The following FBXO4 variants were observed in gnomAD, a reference collection of about 807,000 sequenced individuals.
The protein encoded by FBXO4 is F-box protein 4.
FBXO4 carries 36 observed loss-of-function variants against 43.7 expected under a neutral mutation model. That is an observed-to-expected ratio of 0.82 (90% confidence interval 0.63 to 1.09). FBXO4 has a LOEUF of 1.09. Among genes scored for constraint, FBXO4 ranks in the 50% least tolerant of loss-of-function variants. The pLI, the probability that FBXO4 is intolerant of heterozygous loss-of-function variation, is 0.00. For synonymous variants in FBXO4, 180 were observed against 165.6 expected (o/e 1.09, Z -0.67); for missense variants, 435 against 474.1 (o/e 0.92, Z 0.77).
At chr5:42,005,098 C>G in the FBXO4 span, among the ~76,000 whole-genome samples, 1 of 152,088 alleles carries the variant, frequency 6.6e-6, no homozygotes, top group Non-Finnish European at 1.5e-5. Flanking sequence ...CATTCATGTT[C>G]CATGTTATTT....
chr5:41,963,299 C>CT, the FBXO4 span, among the ~76,000 whole-genome samples: 1 of 151,674 alleles, frequency 6.6e-6, no homozygotes, highest in Admixed American at 6.6e-5. Flanking sequence ...AGGTATTAAT[C>CT]TTTTTTTTAA....
the FBXO4 span, among the ~76,000 whole-genome samples, chr5:42,005,603 C>T: frequency 6.6e-6 from 1 of 152,086 alleles, no homozygotes; most frequent in Non-Finnish European, 1.5e-5. Flanking sequence ...GAGAATAATG[C>T]TCTTAACTGT....
the FBXO4 span, among the ~76,000 whole-genome samples, chr5:41,955,701 G>T: frequency 6.6e-6 from 1 of 152,164 alleles, no homozygotes; most frequent in African/African-American, 2.4e-5. Context: ...CAGTTCCAGA[G>T]ATCTTCAGAG....
chr5:41,929,981 A>C, intron 3 of FBXO4, 64 bp downstream of exon 3: 3 of 1,272,984 alleles, frequency 2.4e-6, no homozygotes, highest in Non-Finnish European at 3.3e-6. Flanking sequence ...TGTTAAAAAG[A>C]AAGAAATTCA....
the FBXO4 span, among the ~76,000 whole-genome samples, chr5:41,986,463 ATTGGT>A: frequency 6.6e-6 from 1 of 152,140 alleles, no homozygotes; most frequent in Non-Finnish European, 1.5e-5. Context: ...CAGAGAATTT[ATTGGT>A]TTAAGGACAC....
At chr5:41,926,274 C>T (rs1009473248) in intron 1 of FBXO4, among the ~76,000 whole-genome samples, 1 of 152,136 alleles carries the variant, frequency 6.6e-6, no homozygotes, top group Non-Finnish European at 1.5e-5. Context: ...TGTAGAGGAA[C>T]TAAGATGACA....
the FBXO4 span, among the ~76,000 whole-genome samples, chr5:42,008,360 C>T: frequency 2.0e-5 from 3 of 152,098 alleles, no homozygotes; most frequent in Non-Finnish European, 2.9e-5. Context: ...TGTTTTTCCT[C>T]CTGATTCTAG....
At chr5:42,002,106 G>A in the FBXO4 span, among the ~76,000 whole-genome samples, 9 of 152,078 alleles carry the variant, frequency 5.9e-5, no homozygotes, top group African/African-American at 2.2e-4. Context: ...ATCATAATAG[G>A]TTCCTTTTTT....
At chr5:41,951,088 G>A in the FBXO4 span, among the ~76,000 whole-genome samples, 1 of 152,162 alleles carries the variant, frequency 6.6e-6, no homozygotes, top group African/African-American at 2.4e-5. Context: ...GGGAGGGATA[G>A]CATTAGGAGA....
At chr5:41,933,436 T>A (rs945252285) in intron 3 of FBXO4, among the ~76,000 whole-genome samples, 1 of 152,168 alleles carries the variant, frequency 6.6e-6, no homozygotes, top group African/African-American at 2.4e-5. Flanking sequence ...TAGGTTGGTC[T>A]TGAACTCTTA....
chr5:41,951,451 T>G, the FBXO4 span: 1 of 233,128 alleles, frequency 4.3e-6, no homozygotes, highest in South Asian at 5.4e-5. Flanking sequence ...CCTGCACACC[T>G]TCAGGCCATT....
intron 5 of FBXO4, chr5:41,934,763 G>A (rs1459143496): frequency 9.8e-7 from 1 of 1,018,254 alleles, no homozygotes; most frequent in Admixed American, 5.1e-5. Context: ...AAATAGTAAA[G>A]AGATGTGATG....
the FBXO4 span, among the ~76,000 whole-genome samples, chr5:42,026,511 G>C: frequency 6.6e-6 from 1 of 151,836 alleles, no homozygotes; most frequent in Non-Finnish European, 1.5e-5. Context: ...TGCAAGGAAG[G>C]ATAATTTGAC....
At chr5:41,930,965 A>G (rs1470347537) in intron 3 of FBXO4, among the ~76,000 whole-genome samples, 1 of 152,200 alleles carries the variant, frequency 6.6e-6, no homozygotes, top group Non-Finnish European at 1.5e-5. Context: ...GGAGAACTAC[A>G]TTTCTAAAAG....
At chr5:41,929,535 A>T (rs557494603) in intron 2 of FBXO4, among the ~76,000 whole-genome samples, 162 bp from the exon 3 acceptor site, 2 of 152,312 alleles carry the variant, frequency 1.3e-5, no homozygotes, top group East Asian at 3.9e-4. Flanking sequence ...AGCACTCCAC[A>T]TACATATTAT....
chr5:41,929,563 G>A (rs1561168003), intron 2 of FBXO4, 134 bp from the exon 3 acceptor site: 1 of 663,206 alleles, frequency 1.5e-6, no homozygotes, highest in Non-Finnish European at 2.5e-6. Context: ...TCTGTCTATT[G>A]TTCTCCTGGA....
At chr5:42,025,001 G>A in the FBXO4 span, among the ~76,000 whole-genome samples, 18 of 152,068 alleles carry the variant, frequency 1.2e-4, no homozygotes, top group Admixed American at 6.6e-4. Context: ...GAACAGTGCC[G>A]CAACAAATAT....
chr5:42,009,184 C>T, the FBXO4 span, among the ~76,000 whole-genome samples: 1 of 152,064 alleles, frequency 6.6e-6, no homozygotes, highest in Non-Finnish European at 1.5e-5. Flanking sequence ...GCACTAACAC[C>T]TGATCTGGCC....
chr5:41,926,496 C>G (rs1367319931), intron 1 of FBXO4, among the ~76,000 whole-genome samples: 5 of 152,330 alleles, frequency 3.3e-5, no homozygotes, highest in East Asian at 1.9e-4. Context: ...TGGCGTGAAC[C>G]TGGGAGACGG....
Sources: gnomAD v4.1 joint callset for allele counts (sites outside exome capture counted in the v4.1 genomes callset) on GRCh38, gnomAD v4.1.1 for gene constraint, MANE v1.5 for transcripts, NCBI Gene and HGNC (gene_info 2026-07-23, HGNC 2026-07-21) for gene names.